The following PHLDB2 variants were observed in gnomAD, a reference collection of about 807,000 sequenced individuals.
PHLDB2 encodes pleckstrin homology-like domain family B member 2.
PHLDB2 carries 71 observed loss-of-function variants against 123.6 expected under a neutral mutation model. The ratio of observed to expected loss-of-function variants is 0.57; its 90% CI spans 0.47 to 0.70. The LOEUF (loss-of-function observed/expected upper bound fraction) is 0.70. PHLDB2 is among the 30% of genes least tolerant of loss of function. The probability of loss-of-function intolerance (pLI) is 0.00; values close to 1 mark genes in which losing one functional copy is unlikely to be tolerated. For missense variants in PHLDB2, 1,446 were observed against 1,519.5 expected (o/e 0.95, Z 0.80); for synonymous variants, 547 against 541.6 (o/e 1.01, Z -0.14).
intron 3 of PHLDB2, chr3:111,916,913 C>T (rs2068213533): frequency 6.6e-6 from 1 of 152,092 alleles, no homozygotes; most frequent in South Asian, 2.1e-4. Flanking sequence ...AAACATGTCA[C>T]TGTTAGTAGA....
intron 1 of PHLDB2, among the ~76,000 whole-genome samples, chr3:111,882,757 T>C (rs1328901533): frequency 6.6e-6 from 1 of 152,134 alleles, no homozygotes; most frequent in Non-Finnish European, 1.5e-5. Context: ...CTGAATTTGC[T>C]CACAAAGTGT....
At chr3:111,950,846 G>A (rs1241633181) in intron 10 of PHLDB2, among the ~76,000 whole-genome samples, 2 of 152,182 alleles carry the variant, frequency 1.3e-5, no homozygotes, top group African/African-American at 2.4e-5. Context: ...GGTGAAAGGT[G>A]GATGAAGTAA....
chr3:111,881,541 AG>A, intron 1 of PHLDB2, among the ~76,000 whole-genome samples: 1 of 152,186 alleles, frequency 6.6e-6, no homozygotes, highest in East Asian at 1.9e-4. Context: ...CAGTAGCAAC[AG>A]GGGGTGTCCA....
intron 6 of PHLDB2, among the ~76,000 whole-genome samples, chr3:111,934,924 A>G (rs2107581274): frequency 6.6e-6 from 1 of 152,264 alleles, no homozygotes; most frequent in Admixed American, 6.5e-5. Context: ...GTGATAGAAA[A>G]AAGGTCTACT....
chr3:111,755,820 T>G (rs1383875897), intron 1 of PHLDB2, among the ~76,000 whole-genome samples: 2 of 149,990 alleles, frequency 1.3e-5, no homozygotes, highest in Admixed American at 6.6e-5. Context: ...CACACTGCTT[T>G]GAATGTGTCC....
intron 1 of PHLDB2, among the ~76,000 whole-genome samples, chr3:111,808,564 G>A (rs549523926): frequency 4.8e-4 from 73 of 151,650 alleles, no homozygotes; most frequent in African/African-American, 1.6e-3. Context: ...GGTATACTGC[G>A]TGGTGCTGGG....
At chr3:111,920,684 C>T (rs191575986) in intron 5 of PHLDB2, among the ~76,000 whole-genome samples, 11 of 152,220 alleles carry the variant, frequency 7.2e-5, no homozygotes, top group South Asian at 6.2e-4. Flanking sequence ...GAGATGAGTG[C>T]GTTGTTTGTT....
intron 2 of PHLDB2, among the ~76,000 whole-genome samples, chr3:111,886,064 ATC>A (rs2066144755): frequency 2.0e-5 from 3 of 152,220 alleles, no homozygotes; most frequent in Non-Finnish European, 4.4e-5. Context: ...ACGGGGAAAC[ATC>A]CCTTGAGAGT....
chr3:111,936,792 T>C (rs1437929739), intron 6 of PHLDB2, among the ~76,000 whole-genome samples: 1 of 152,020 alleles, frequency 6.6e-6, no homozygotes, highest in African/African-American at 2.4e-5. Context: ...GAAAAAGGGC[T>C]TATTCCTTTT....
intron 1 of PHLDB2, among the ~76,000 whole-genome samples, chr3:111,869,455 CAAAAA>C: frequency 6.6e-6 from 1 of 151,042 alleles, no homozygotes; most frequent in Non-Finnish European, 1.5e-5. Context: ...AGTAAAAATT[CAAAAA>C]AAAGAAAAAA....
At position 111,885,138 on chromosome 3, in the gene PHLDB2, T is replaced by G; in HGVS notation, c.1061T>G (p.Phe354Cys). The G allele has an allele frequency of 6.2e-7, 1 of 1,614,162 alleles. No homozygotes were observed. Among genetic ancestry groups the G allele is most frequent in the Non-Finnish European group, 8.5e-7 (1 of 1,180,034 alleles). ...ACCTCCTCCTGTGCCTCTGATGACT[T>G]TGATCAGGCTTCATATGTGGGGACA... ...ASTSSCASDDFDQASYVGTNP... is the reference protein window; with the variant it reads ...ASTSSCASDDCDQASYVGTNP... The change falls in exon 2 of 18, where the codon TTT (phenylalanine) becomes TGT (cysteine). Residue 354 changes from phenylalanine to cysteine, a missense_variant. Phe to Cys is a radical substitution (Grantham distance 205, BLOSUM62 -2). Transcript: ENST00000431670.
At chr3:111,818,833 A>T (rs58217009) in intron 1 of PHLDB2, among the ~76,000 whole-genome samples, 25,506 of 151,912 alleles carry the variant, frequency 0.17, 3,003 homozygotes, top group East Asian at 0.32. Context: ...ACTATACTAG[A>T]TGCCTCCTCT....
At chr3:111,877,480 T>C (rs1416247161) in intron 1 of PHLDB2, among the ~76,000 whole-genome samples, 3 of 152,204 alleles carry the variant, frequency 2.0e-5, no homozygotes, top group Non-Finnish European at 4.4e-5. Flanking sequence ...CTTTGTCAGA[T>C]GAGTAGATTG....
intron 1 of PHLDB2, among the ~76,000 whole-genome samples, chr3:111,818,150 A>T (rs572595907): frequency 1.4e-5 from 2 of 145,280 alleles, no homozygotes; most frequent in Middle Eastern, 3.4e-3. Context: ...TTAAAAAGAA[A>T]TTTTTTAAAA....
intron 8 of PHLDB2, among the ~76,000 whole-genome samples, chr3:111,942,290 A>G (rs2069952018): frequency 6.6e-6 from 1 of 152,224 alleles, no homozygotes; most frequent in Non-Finnish European, 1.5e-5. Flanking sequence ...TTTAATCCCA[A>G]TCAAAATCCC....
chr3:111,880,445 A>G (rs952723657), intron 1 of PHLDB2, among the ~76,000 whole-genome samples: 4 of 152,192 alleles, frequency 2.6e-5, no homozygotes, highest in Non-Finnish European at 4.4e-5. Context: ...GACTCCAGGG[A>G]CAAAGCATCA....
chr3:111,751,168 G>GGTGT (rs35962012), intron 1 of PHLDB2, among the ~76,000 whole-genome samples: 14,865 of 143,950 alleles, frequency 0.1, 854 homozygotes, highest in Middle Eastern at 0.17. Flanking sequence ...GAGACAATGG[G>GGTGT]GTGTGTGTGT....
Position 111,952,613 on chromosome 3 carries a change from A to G in PHLDB2, c.2673A>G (p.Glu891=), listed in dbSNP as rs374600642. 6.2e-7 allele frequency: 1 copy of G among 1,613,650 alleles called. No individual in the cohort carries two copies. Among genetic ancestry groups the G allele is most frequent in the African/African-American group, 1.3e-5 (1 of 74,888 alleles). ...AAGAAAGGAAAAAACAGCATAAAGA[A>G]GGCCTCTATCTGAGTGATACTTTGC... ...SLEERKKQHK[E]GLYLSDTLPR... Residue 891 remains glutamate (E), a synonymous_variant, in exon 11 of 18, where the codon GAA becomes GAG. Coordinates refer to ENST00000431670, the MANE Select transcript of PHLDB2 (RefSeq NM_001134438.2).
intron 1 of PHLDB2, among the ~76,000 whole-genome samples, chr3:111,800,280 A>G (rs1014717509): frequency 6.6e-6 from 1 of 152,222 alleles, no homozygotes; most frequent in Non-Finnish European, 1.5e-5. Flanking sequence ...TGCTGGGATT[A>G]CAGACGTGAG....
Sources: gnomAD v4.1 joint callset for allele counts (sites outside exome capture counted in the v4.1 genomes callset) on GRCh38, gnomAD v4.1.1 for gene constraint, MANE v1.5 for transcripts, NCBI Gene and HGNC (gene_info 2026-07-23, HGNC 2026-07-21) for gene names.